BMERB1: variants seen among roughly 807,000 people sequenced by gnomAD.
BMERB1 encodes bMERB domain containing 1.
Under a neutral mutation model 23.6 loss-of-function variants are expected in BMERB1, and 12 were observed. The observed-to-expected ratio is 0.51, with a 90% CI of 0.33 to 0.82. The LOEUF (loss-of-function observed/expected upper bound fraction) is 0.82, where lower values mean the gene tolerates loss of function less well. Ranked by LOEUF, BMERB1 falls within the 40% of genes least tolerant of loss-of-function variation. BMERB1 has a pLI of 0.03. For missense variants in BMERB1, 247 were observed against 255.4 expected (o/e 0.97, Z 0.22); for synonymous variants, 122 against 96.6 (o/e 1.26, Z -1.54).
At chr16:15,556,178 C>CAAA (rs879429351) in intron 2 of BMERB1, among the ~76,000 whole-genome samples, 2 of 133,274 alleles carry the variant, frequency 1.5e-5, no homozygotes, top group Admixed American at 7.6e-5. Flanking sequence ...AACTCCATCT[C>CAAA]AAAAAAAAAA....
At chr16:15,501,965 C>T (rs1160821574) in intron 1 of BMERB1, among the ~76,000 whole-genome samples, 1 of 152,186 alleles carries the variant, frequency 6.6e-6, no homozygotes, top group Non-Finnish European at 1.5e-5. Context: ...TTCAAAATTA[C>T]ATATGTGGCT....
At chr16:15,500,885 CAA>C (rs2051520947) in intron 1 of BMERB1, among the ~76,000 whole-genome samples, 1 of 152,140 alleles carries the variant, frequency 6.6e-6, no homozygotes, top group Non-Finnish European at 1.5e-5. Context: ...CTCCTGACCT[CAA>C]GTGATCCACC....
intron 1 of BMERB1, among the ~76,000 whole-genome samples, chr16:15,496,363 G>A (rs995005073): frequency 4.6e-5 from 7 of 152,064 alleles, no homozygotes; most frequent in Admixed American, 1.3e-4. Flanking sequence ...CCTTATATAC[G>A]ATCTGTCATT....
chr16:15,508,190 G>T (rs562687722), intron 1 of BMERB1, among the ~76,000 whole-genome samples: 8 of 152,288 alleles, frequency 5.3e-5, no homozygotes, highest in African/African-American at 1.9e-4. Context: ...ATAAGGTAAT[G>T]CACAGGTGCT....
At chr16:15,494,283 A>C (rs939443775) in intron 1 of BMERB1, among the ~76,000 whole-genome samples, 2 of 151,924 alleles carry the variant, frequency 1.3e-5, no homozygotes, top group Non-Finnish European at 2.9e-5. Context: ...GCTTTGAATT[A>C]GGAAGTATAT....
intron 1 of BMERB1, among the ~76,000 whole-genome samples, chr16:15,440,327 G>A (rs529016078): frequency 2.0e-5 from 3 of 150,200 alleles, no homozygotes; most frequent in South Asian, 2.1e-4. Context: ...TTGGAATGAA[G>A]TAGAGAGCTC....
chr16:15,515,283 G>C (rs181652010), intron 1 of BMERB1, 22 bp from the exon 2 acceptor site: 9 of 1,612,626 alleles, frequency 5.6e-6, no homozygotes, highest in Admixed American at 3.3e-5. Flanking sequence ...CCTGATGGTT[G>C]TATTTCCTGT....
chr16:15,442,244 T>TCACTTGAA (rs1159448327), intron 1 of BMERB1, among the ~76,000 whole-genome samples: 1 of 150,984 alleles, frequency 6.6e-6, no homozygotes, highest in African/African-American at 2.4e-5. Context: ...GGCGGGAGAC[T>TCACTTGAA]CACTTGAACC....
At position 15,586,861 on chromosome 16, in the gene BMERB1, C is replaced by T; in HGVS notation, c.*32C>T. ...CGTGGGGTGCCCTGGGCCATGGGGA[C>T]CCCCCCCCACCCTCTTGTCTTTATA... On this transcript the variant is annotated 3_prime_UTR_variant, in exon 6 of 6. Transcript: ENST00000300006. 1.1e-6 allele frequency: 1 copy of T among 918,864 alleles called. No homozygotes were observed. Among genetic ancestry groups the T allele is most frequent in the South Asian group, 1.9e-5 (1 of 52,484 alleles). The allele number at this position is 918,864 out of a possible 1,614,324, so 56.9% of individuals were successfully genotyped here.
intron 2 of BMERB1, among the ~76,000 whole-genome samples, chr16:15,534,907 A>T (rs1016966531): frequency 6.6e-6 from 1 of 152,218 alleles, no homozygotes; most frequent in Non-Finnish European, 1.5e-5. Context: ...ATTCCAAGCA[A>T]AAACCATTAT....
At chr16:15,508,828 C>CAAAAAAAA (rs1181215065) in intron 1 of BMERB1, among the ~76,000 whole-genome samples, 6 of 56,072 alleles carry the variant, frequency 1.1e-4, no homozygotes, top group African/African-American at 3.8e-4. Flanking sequence ...CCTGCCCCAC[C>CAAAAAAAA]AAAAAAAAAA....
intron 1 of BMERB1, among the ~76,000 whole-genome samples, chr16:15,460,560 T>G (rs2051125854): frequency 6.6e-6 from 1 of 152,146 alleles, no homozygotes; most frequent in Non-Finnish European, 1.5e-5. Context: ...AATTCATTTG[T>G]GTTTGATGTG....
At chr16:15,507,615 C>T (rs1027922259) in intron 1 of BMERB1, among the ~76,000 whole-genome samples, 5 of 152,148 alleles carry the variant, frequency 3.3e-5, no homozygotes, top group African/African-American at 1.2e-4. Context: ...CGTTTCTTCC[C>T]GTGATTTGTC....
At chr16:15,572,441 G>C (rs1432082582) in intron 3 of BMERB1, among the ~76,000 whole-genome samples, 1 of 152,176 alleles carries the variant, frequency 6.6e-6, no homozygotes, top group Admixed American at 6.6e-5. Flanking sequence ...GAAAGAGAGC[G>C]ACAGCTAGTG....
At chr16:15,541,449 A>G (rs2052079077) in intron 2 of BMERB1, among the ~76,000 whole-genome samples, 3 of 125,786 alleles carry the variant, frequency 2.4e-5, no homozygotes, top group East Asian at 2.2e-4. Flanking sequence ...TTTTTTTGAG[A>G]CAGGGTCTCA....
intron 2 of BMERB1, among the ~76,000 whole-genome samples, chr16:15,526,468 A>T (rs1324075133): frequency 6.6e-6 from 1 of 152,066 alleles, no homozygotes; most frequent in Non-Finnish European, 1.5e-5. Flanking sequence ...GATTGAGACC[A>T]TCCTGGCTAA....
At chr16:15,523,701 G>T (rs569601209) in intron 2 of BMERB1, among the ~76,000 whole-genome samples, 1 of 152,304 alleles carries the variant, frequency 6.6e-6, no homozygotes, top group Admixed American at 6.5e-5. Context: ...TCTCCCTGCA[G>T]CATCATAGCA....
intron 1 of BMERB1, among the ~76,000 whole-genome samples, chr16:15,454,485 A>C (rs1402557121): frequency 6.6e-6 from 1 of 152,194 alleles, no homozygotes; most frequent in African/African-American, 2.4e-5. Context: ...ATGGGGACAC[A>C]GAGGCGATTA....
chr16:15,587,291 C>T lies in BMERB1; in HGVS notation c.*462C>T, dbSNP rs1483359801. The T allele has an allele frequency of 4.4e-6, 1 of 228,542 alleles. No homozygotes were observed. The highest frequency in any genetic ancestry group is 9.1e-6 in the Non-Finnish European group (1 of 109,834). The allele number at this position is 228,542 out of a possible 1,614,324, so 14.2% of individuals were successfully genotyped here. On this transcript the variant is annotated 3_prime_UTR_variant, in exon 6 of 6. Transcript: ENST00000300006. ...GAGCTAGGCACATGGGCACAGGTCC[C>T]CTCCCGTCTGTCCTCTCCCAGCAAC...
Sources: allele counts gnomAD v4.1 joint callset (sites outside exome capture counted in the v4.1 genomes callset), GRCh38; gene constraint gnomAD v4.1.1; transcripts MANE v1.5; gene names NCBI Gene and HGNC (gene_info 2026-07-23, HGNC 2026-07-21).